The following CHRND variants were observed in gnomAD, a reference collection of about 807,000 sequenced individuals.
CHRND encodes cholinergic receptor nicotinic delta subunit.
CHRND carries 40 observed loss-of-function variants against 57.8 expected under a neutral mutation model. The observed-to-expected ratio is 0.69, with a 90% confidence interval of 0.54 to 0.90. CHRND has a LOEUF of 0.90. CHRND is among the 40% of genes least tolerant of loss of function. The pLI, the probability that CHRND is intolerant of heterozygous loss-of-function variation, is 0.00. For synonymous variants in CHRND, 237 were observed against 270.6 expected, an observed-to-expected ratio of 0.88 and a Z score of 1.22; for missense variants, 634 against 673.9, an observed-to-expected ratio of 0.94 and a Z score of 0.66.
Position 232,534,070 on chromosome 2 carries a change from G to C in CHRND, c.1187G>C (p.Arg396Pro). Residue 396 changes from arginine (R) to proline (P), a missense_variant, in exon 10 of 12, where the codon CGC becomes CCC. Arg to Pro is a moderately radical substitution (Grantham distance 103). Transcript: ENST00000258385. Reference sequence around the variant, plus strand: ...GAGGAGTACTTCCTGCTCAAGTCCCGCAGTGACCTCATGTTCGAGAAGCAG... The same window carrying C: ...GAGGAGTACTTCCTGCTCAAGTCCCCCAGTGACCTCATGTTCGAGAAGCAG... Reference protein sequence around the residue: ...KAEEYFLLKSRSDLMFEKQSE... With the variant: ...KAEEYFLLKSPSDLMFEKQSE... The C allele has an allele frequency of 6.2e-7, 1 of 1,614,102 alleles. No homozygotes were observed. Among genetic ancestry groups the C allele is most frequent in the Non-Finnish European group, 8.5e-7 (1 of 1,180,050 alleles).
intron 6 of CHRND, among the ~76,000 whole-genome samples, chr2:232,529,649 C>T (rs993712130): frequency 1.3e-5 from 2 of 152,192 alleles, no homozygotes; most frequent in Non-Finnish European, 2.9e-5. Context: ...GTTTTTGGCT[C>T]GTGTATCTTT....
In CHRND at chr2:232,531,599, G is replaced by C; in HGVS notation, c.990G>C (p.Val330=). The C allele has an allele frequency of 6.2e-7, 1 of 1,613,982 alleles. No individual in the cohort carries two copies. Among genetic ancestry groups the C allele is most frequent in the Non-Finnish European group, 8.5e-7 (1 of 1,180,036 alleles). The change falls in exon 9 of 12, where the codon GTG becomes GTC. Residue 330 remains valine (V), a synonymous_variant. Transcript: ENST00000258385. ...VTMVVVICVI[V]LNIHFRTPST... is the part of the protein sequence containing the mutation. ...TGGTTGTGGTGATCTGTGTCATCGT[G>C]CTCAACATCCACTTCCGAACACCCA... is the stretch of plus-strand genomic sequence containing the variant.
intron 9 of CHRND, among the ~76,000 whole-genome samples, chr2:232,532,457 A>G (rs952972769): frequency 6.8e-6 from 1 of 147,452 alleles, no homozygotes; most frequent in Non-Finnish European, 1.5e-5. Context: ...GACAAGAGAC[A>G]AGAGCGAAAC....
chr2:232,529,118 G>C (rs1691590947), intron 6 of CHRND, 147 bp downstream of exon 6: 1 of 694,272 alleles, frequency 1.4e-6, no homozygotes, highest in Non-Finnish European at 2.6e-6. Context: ...GCTAGACACA[G>C]AAGGGCAGAC....
chr2:232,531,303 C>A (rs1026784533), intron 7 of CHRND, 49 bp from the exon 8 acceptor site: 2 of 1,131,306 alleles, frequency 1.8e-6, no homozygotes, highest in East Asian at 5.0e-5. Flanking sequence ...CACAGCTGGA[C>A]CCTCTAGGAC....
intron 7 of CHRND, 122 bp downstream of exon 7, chr2:232,530,261 C>G: frequency 9.5e-7 from 1 of 1,051,058 alleles, no homozygotes; most frequent in Non-Finnish European, 1.4e-6. Flanking sequence ...CTGGAGCTCC[C>G]TGCCTGGATC....
Position 232,531,602 on chromosome 2 carries a change from C to T in CHRND, c.993C>T (p.Leu331=), listed in dbSNP as rs760991691. The T allele has an allele frequency of 3.1e-6, 5 of 1,613,882 alleles. No individual in the cohort carries two copies. The highest frequency in any genetic ancestry group is 4.2e-6 in the Non-Finnish European group (5 of 1,180,054). ...TMVVVICVIV[L]NIHFRTPSTH... The stretch of plus-strand genomic sequence containing the variant: ...TTGTGGTGATCTGTGTCATCGTGCT[C>T]AACATCCACTTCCGAACACCCAGCA... Residue 331 remains leucine, a synonymous_variant, in exon 9 of 12, where the codon CTC becomes CTT. Coordinates refer to ENST00000258385, the MANE Select transcript of CHRND (RefSeq NM_000751.3).
At chr2:232,531,967 A>G (rs1691719135) in intron 9 of CHRND, among the ~76,000 whole-genome samples, 1 of 149,728 alleles carries the variant, frequency 6.7e-6, no homozygotes, top group African/African-American at 2.5e-5. Context: ...AAAAAAAAAA[A>G]AAAAAAAGAA....
Position 232,534,014 on chromosome 2 carries a change from G to T in CHRND, c.1131G>T (p.Arg377Ser), listed in dbSNP as rs766064799. The change falls in exon 10 of 12, where the codon AGG (arginine) becomes AGT (serine). Residue 377 changes from arginine (R) to serine (S), a missense_variant. Coordinates refer to ENST00000258385, the MANE Select transcript of CHRND (RefSeq NM_000751.3). Reference sequence around the variant, plus strand: ...CCAGCCCTGGGGCCCTGGTGCGGAGGAGCAGCTCCCTGGGATACATCTCCA... The same window carrying T: ...CCAGCCCTGGGGCCCTGGTGCGGAGTAGCAGCTCCCTGGGATACATCTCCA... Reference protein sequence around the residue: ...DGPSPGALVRRSSSLGYISKA... With the variant: ...DGPSPGALVRSSSSLGYISKA... 6.2e-7 allele frequency: 1 copy of T among 1,614,062 alleles called. No homozygotes were observed. Among genetic ancestry groups the T allele is most frequent in the Non-Finnish European group, 8.5e-7 (1 of 1,180,040 alleles).
chr2:232,531,870 C>T (rs1243717342), intron 9 of CHRND, among the ~76,000 whole-genome samples: 1 of 140,710 alleles, frequency 7.1e-6, no homozygotes, highest in Non-Finnish European at 1.5e-5. Flanking sequence ...TCACTTGAGC[C>T]TGGGAGGTCA....
rs751545999 is a variant in CHRND, at chr2:232,528,954, A to G, written c.602A>G (p.Asp201Gly). ...RTYPVEWIII[D>G]PEGFTENGEW... is the part of the protein sequence containing the mutation. ...TACCCCGTGGAGTGGATCATCATTG[A>G]TCCTGAAGGCTTCACAGGTGCTGGG... The change falls in exon 6 of 12, where the codon GAT (aspartate) becomes GGT (glycine). Residue 201 changes from aspartate (D) to glycine (G), a missense_variant. Physicochemically the swap from Asp to Gly is moderately conservative, Grantham distance 94 (BLOSUM62 -1). Transcript: ENST00000258385. 1.2e-6 allele frequency: 2 copies of G among 1,614,004 alleles called. No homozygotes were observed. Among genetic ancestry groups the G allele is most frequent in the Non-Finnish European group, 1.7e-6 (2 of 1,179,966 alleles).
In CHRND at chr2:232,534,800, G is replaced by T. The variant is rs1199985853; in HGVS notation, c.1372-330G>T. Among the ~76,000 whole-genome samples the T allele has an allele frequency of 3.9e-5, 6 of 152,230 alleles. 1 individual carries two copies. On this transcript the variant is annotated intron_variant, in intron 11 of 11. Coordinates refer to ENST00000258385, the MANE Select transcript of CHRND (RefSeq NM_000751.3). ...GCAGCAGCCCTGACTTGCTGAGATG[G>T]GGGAGAAGAAGAGAGGGGTCTATCC...
chr2:232,536,290 A>C lies in CHRND; in HGVS notation c.*978A>C, dbSNP rs750069656. The C allele has an allele frequency of 2.2e-6, 1 of 454,156 alleles. No homozygotes were observed. The highest frequency in any genetic ancestry group is 1.6e-5 in the South Asian group (1 of 64,474). The allele number at this position is 454,156 out of a possible 1,614,324, so 28.1% of individuals were successfully genotyped here. A position where few individuals can be genotyped will look rare whatever the true frequency, so the allele number is the denominator to read the frequency against. On this transcript the variant is annotated 3_prime_UTR_variant, in exon 12 of 12. Coordinates refer to ENST00000258385, the MANE Select transcript of CHRND (RefSeq NM_000751.3). ...ACCAGGGTGGGTCTGGGTAACCAAT[A>C]GAATGAGGCAGAAGTGATGGTACCT...
intron 2 of CHRND, 65 bp from the exon 3 acceptor site, chr2:232,527,336 G>GA: frequency 2.3e-6 from 3 of 1,331,982 alleles, no homozygotes; most frequent in Non-Finnish European, 1.1e-6. Context: ...GAGAGAGAGT[G>GA]GGTGAATGTG....
At chr2:232,527,193 G>A (rs1015724162) in intron 2 of CHRND, among the ~76,000 whole-genome samples, 5 of 152,128 alleles carry the variant, frequency 3.3e-5, no homozygotes, top group African/African-American at 1.2e-4. Context: ...CAGCTACTAG[G>A]AAGGCTGAGG....
rs1691467635 is a variant in CHRND, at chr2:232,526,419, G to T, written c.53-110G>T. 3 of 1,570,898 alleles carry T rather than the reference G, an allele frequency of 1.9e-6. No homozygotes were observed. The East Asian group carries it at 6.8e-5, about 36-fold the overall frequency. ...GTCCCCACTCCCAGGGAGTGGTTGG[G>T]TTCCCCCCTGCTCATCCCAACCTCA... On this transcript the variant is annotated intron_variant, in intron 1 of 11. Coordinates refer to ENST00000258385, the MANE Select transcript of CHRND (RefSeq NM_000751.3).
chr2:232,526,381 G>T, intron 1 of CHRND, 114 bp downstream of exon 1: 2 of 1,505,962 alleles, frequency 1.3e-6, no homozygotes, highest in Non-Finnish European at 1.8e-6. Flanking sequence ...CCTGTGGGGG[G>T]CCGCCTTCTG....
At chr2:232,534,426 C>A in intron 11 of CHRND, 84 bp downstream of exon 11, 1 of 1,344,848 alleles carries the variant, frequency 7.4e-7, no homozygotes, top group East Asian at 2.3e-5. Context: ...GCAGGGTTCC[C>A]CTTAGAGGCA....
At position 232,534,121 on chromosome 2, in the gene CHRND, G is replaced by A. The variant is rs757950320; in HGVS notation, c.1238G>A (p.Arg413His). ...KQSERHGLAR[R>H]LTTARRPPAS... ...TCAGAGCGGCATGGGCTGGCCAGGCGCCTCACCACTGCACGTGGGTCCCCG... is the reference window on the plus strand; with the variant it reads ...TCAGAGCGGCATGGGCTGGCCAGGCACCTCACCACTGCACGTGGGTCCCCG... The change falls in exon 10 of 12, where the codon CGC (arginine) becomes CAC (histidine). Residue 413 changes from arginine to histidine, a missense_variant. By Grantham distance (29) the Arg-to-His change is conservative. Transcript: ENST00000258385. The A allele has an allele frequency of 1.1e-5, 17 of 1,613,892 alleles. No individual in the cohort carries two copies. Among genetic ancestry groups the A allele is most frequent in the Admixed American group, 8.3e-5 (5 of 60,008 alleles).
Sources: gnomAD v4.1 joint callset for allele counts (sites outside exome capture counted in the v4.1 genomes callset) on GRCh38, gnomAD v4.1.1 for gene constraint, MANE v1.5 for transcripts, NCBI Gene and HGNC (gene_info 2026-07-23, HGNC 2026-07-21) for gene names.